Variants in CNTN5 observed in about 807,000 individuals in gnomAD.
CNTN5 encodes contactin 5.
A neutral mutation model predicts 129.1 loss-of-function variants in CNTN5; 77 were observed. That is an observed-to-expected ratio of 0.60 (90% CI 0.50 to 0.72). CNTN5 has a LOEUF of 0.72. CNTN5 is among the 30% of genes least tolerant of loss of function. The pLI is 0.00. For synonymous variants in CNTN5, 509 were observed against 465.6 expected (o/e 1.09, Z -1.20); for missense variants, 1,478 against 1,328.8 (o/e 1.11, Z -1.75).
intron 2 of CNTN5, among the ~76,000 whole-genome samples, chr11:99,543,128 T>G (rs1235382869): frequency 6.6e-6 from 1 of 152,150 alleles, no homozygotes; most frequent in Non-Finnish European, 1.5e-5. Context: ...ATCTGCAACT[T>G]TAGCTATTCC....
intron 13 of CNTN5, among the ~76,000 whole-genome samples, chr11:100,079,711 A>G (rs7119555): frequency 0.052 from 7,923 of 152,106 alleles, 685 homozygotes; most frequent in African/African-American, 0.18. Context: ...TTTGAAGATT[A>G]CTGGCACACA....
intron 3 of CNTN5, among the ~76,000 whole-genome samples, chr11:99,812,484 A>G (rs1052875530): frequency 6.6e-6 from 1 of 152,128 alleles, no homozygotes; most frequent in Non-Finnish European, 1.5e-5. Flanking sequence ...AAATGTATTG[A>G]GTTCTTACTA....
chr11:99,063,506 T>C (rs1455844025), intron 1 of CNTN5, among the ~76,000 whole-genome samples: 1 of 138,260 alleles, frequency 7.2e-6, no homozygotes, highest in Non-Finnish European at 1.6e-5. Context: ...TACTGAAAAC[T>C]CATAAATAAA....
intron 4 of CNTN5, among the ~76,000 whole-genome samples, chr11:99,837,132 T>C (rs896936258): frequency 6.6e-6 from 1 of 152,160 alleles, no homozygotes; most frequent in African/African-American, 2.4e-5. Context: ...GCTCAGTAGG[T>C]CTCAGTCTCA....
intron 2 of CNTN5, among the ~76,000 whole-genome samples, chr11:99,523,486 T>A (rs1465670189): frequency 6.6e-6 from 1 of 151,878 alleles, no homozygotes; most frequent in Non-Finnish European, 1.5e-5. Flanking sequence ...TTCCAGCTAC[T>A]CAGGAGGCTG....
rs886634215 is a variant in CNTN5, at chr11:100,327,399, G to A, written c.2731-13064G>A. Among the ~76,000 whole-genome samples, 12 of 152,140 alleles carry A rather than the reference G, an allele frequency of 7.9e-5. 1 individual carries two copies. The highest frequency in any genetic ancestry group is 6.2e-4 in the South Asian group (3 of 4,824). On this transcript the variant is annotated intron_variant, in intron 21 of 24. Coordinates refer to ENST00000524871, the MANE Select transcript of CNTN5 (RefSeq NM_014361.4). ...CCTCTTTCCAGACTGCACACAGGAT[G>A]CCTCTGCCTTCCCTCTCCCTTTGCC...
intron 7 of CNTN5, among the ~76,000 whole-genome samples, chr11:99,917,833 CAT>C (rs901261794): frequency 6.6e-6 from 1 of 152,052 alleles, no homozygotes; most frequent in African/African-American, 2.4e-5. Flanking sequence ...GTAAGATAAA[CAT>C]AAGATAAGAA....
intron 9 of CNTN5, among the ~76,000 whole-genome samples, chr11:100,037,891 C>A (rs1489371115): frequency 2.0e-5 from 3 of 151,938 alleles, no homozygotes; most frequent in African/African-American, 7.3e-5. Context: ...GGCGGTCTAT[C>A]AATTTTGTTG....
intron 6 of CNTN5, among the ~76,000 whole-genome samples, chr11:99,846,518 A>G (rs1417154171): frequency 6.6e-6 from 1 of 152,096 alleles, no homozygotes; most frequent in African/African-American, 2.4e-5. Flanking sequence ...AAGTAATCCT[A>G]CTTGAAATTA....
In CNTN5 at chr11:99,072,402, A is replaced by G. The variant is rs116005010; in HGVS notation, c.-210+51132A>G. Among the ~76,000 whole-genome samples, 358 of 152,278 alleles carry G rather than the reference A, an allele frequency of 2.4e-3. 2 individuals carry two copies. Among genetic ancestry groups the G allele is most frequent in the African/African-American group, 8.0e-3 (331 of 41,592 alleles). On this transcript the variant is annotated intron_variant, in intron 1 of 24. Transcript: ENST00000524871. ...TGGGGCTATTCAATTGAATAATATC[A>G]AAACAGGATCTTAAAATGTTTTGAA...
chr11:99,818,986 C>T (rs1352310707), intron 3 of CNTN5, among the ~76,000 whole-genome samples: 2 of 152,006 alleles, frequency 1.3e-5, no homozygotes, highest in Non-Finnish European at 2.9e-5. Flanking sequence ...AGTTAAAACA[C>T]ATGTGCTACA....
intron 13 of CNTN5, among the ~76,000 whole-genome samples, chr11:100,105,964 A>G (rs7934032): frequency 0.25 from 38,070 of 152,108 alleles, 5,547 homozygotes; most frequent in East Asian, 0.57. Flanking sequence ...GCTTAATTAT[A>G]CTAACAAAGT....
chr11:99,320,068 C>A (rs1021538788), intron 1 of CNTN5, among the ~76,000 whole-genome samples: 1 of 151,966 alleles, frequency 6.6e-6, no homozygotes, highest in Non-Finnish European at 1.5e-5. Flanking sequence ...AGTGAAACAC[C>A]GTCTCTACTG....
intron 23 of CNTN5, among the ~76,000 whole-genome samples, chr11:100,341,817 C>A (rs1240697658): frequency 6.6e-6 from 1 of 151,922 alleles, no homozygotes; most frequent in East Asian, 1.9e-4. Context: ...ATTGAATTGG[C>A]TTAATTTCAA....
At chr11:100,064,716 A>T (rs1360676218) in intron 10 of CNTN5, among the ~76,000 whole-genome samples, 1 of 152,132 alleles carries the variant, frequency 6.6e-6, no homozygotes, top group Non-Finnish European at 1.5e-5. Flanking sequence ...TTAACTCATC[A>T]TATAAAATTT....
intron 3 of CNTN5, among the ~76,000 whole-genome samples, chr11:99,664,455 G>C (rs1952711983): frequency 6.6e-6 from 1 of 152,092 alleles, no homozygotes; most frequent in African/African-American, 2.4e-5. Context: ...AGGGGCAAGG[G>C]TGCAAGGAAA....
intron 1 of CNTN5, among the ~76,000 whole-genome samples, chr11:99,132,050 C>T (rs1344418840): frequency 2.0e-5 from 3 of 152,126 alleles, no homozygotes; most frequent in African/African-American, 4.8e-5. Context: ...GCTTATTTAG[C>T]ACAATCAAGT....
At chr11:99,352,756 C>T (rs987453405) in intron 2 of CNTN5, among the ~76,000 whole-genome samples, 3 of 152,064 alleles carry the variant, frequency 2.0e-5, no homozygotes, top group African/African-American at 7.2e-5. Flanking sequence ...AAGGTGGGAG[C>T]TTATATAACC....
chr11:100,267,193 C>T (rs1303398360), intron 17 of CNTN5, among the ~76,000 whole-genome samples: 3 of 151,410 alleles, frequency 2.0e-5, no homozygotes, highest in Non-Finnish European at 4.4e-5. Context: ...TACTTTATTA[C>T]AGTTCTAGAG....
Sources: gnomAD v4.1 joint callset for allele counts (sites outside exome capture counted in the v4.1 genomes callset) on GRCh38, gnomAD v4.1.1 for gene constraint, MANE v1.5 for transcripts, NCBI Gene and HGNC (gene_info 2026-07-23, HGNC 2026-07-21) for gene names.